Variants in TTC21B observed in about 807,000 individuals in gnomAD.
TTC21B encodes tetratricopeptide repeat protein 21B.
In TTC21B, 127 loss-of-function variants were observed where a neutral mutation model predicts 175.1. The ratio of observed to expected loss-of-function variants is 0.73; its 90% CI spans 0.63 to 0.84. TTC21B has a LOEUF of 0.84. Among genes scored for constraint, TTC21B ranks in the 40% least tolerant of loss-of-function variants. The pLI, the probability that TTC21B is intolerant of heterozygous loss-of-function variation, is 0.00. For missense variants in TTC21B, 1,561 were observed against 1,558.3 expected (o/e 1.00, Z -0.03); for synonymous variants, 524 against 524.5 (o/e 1.00, Z 0.01).
rs370484375 is a variant in TTC21B at position 165,945,585 on chromosome 2, C to T, written c.368G>A (p.Arg123His). ...AATATATTCCCTTGCTTTATCATGG[C>T]GACCAATGTGCCATAAAAATAAGCC... ...HAGLFLWHIG[R>H]HDKAREYIDR... Residue 123 changes from arginine (R) to histidine (H), a missense_variant, in exon 4 of 29, where the codon CGC (arginine) becomes CAC (histidine). Transcript: ENST00000243344. The T allele has an allele frequency of 1.9e-5, 30 of 1,613,644 alleles. No homozygotes were observed. Among genetic ancestry groups the T allele is most frequent in the East Asian group, 2.2e-5 (1 of 44,814 alleles).
chr2:165,921,740 A>G (rs1389177208), intron 12 of TTC21B, among the ~76,000 whole-genome samples: 2 of 149,670 alleles, frequency 1.3e-5, no homozygotes, highest in African/African-American at 4.9e-5. Context: ...AAACACTACT[A>G]CTTAGACACA....
intron 7 of TTC21B, 33 bp downstream of exon 7, chr2:165,932,940 T>C: frequency 6.4e-7 from 1 of 1,554,212 alleles, no homozygotes. Context: ...TATTTTTTAA[T>C]ATAGGAAACT....
At chr2:165,902,685 T>A (rs1481717570) in intron 19 of TTC21B, among the ~76,000 whole-genome samples, 1 of 152,238 alleles carries the variant, frequency 6.6e-6, no homozygotes, top group East Asian at 1.9e-4. Context: ...TGTACCTTTA[T>A]GTGTTTTAGA....
At position 165,947,783 on chromosome 2, in the gene TTC21B, T is replaced by C. The variant is rs541881131; in HGVS notation, c.262+1611A>G. On this transcript the variant is annotated intron_variant, in intron 3 of 28. Transcript: ENST00000243344. Reference sequence around the variant, plus strand: ...CTTTCCTAGGCAGTATTTACAGACATCTGGGCCCCTACTAGAGCTCAAGTC... The same window carrying C: ...CTTTCCTAGGCAGTATTTACAGACACCTGGGCCCCTACTAGAGCTCAAGTC... 7.9e-5 allele frequency: 12 copies of C among 152,280 alleles called. No individual in the cohort carries two copies. The East Asian group carries it at 2.3e-3, about 29-fold the overall frequency. The allele number at this position is 152,280 out of a possible 1,614,324, so 9.4% of individuals were successfully genotyped here. A position where few individuals can be genotyped will look rare whatever the true frequency, so the allele number is the denominator to read the frequency against.
chr2:165,902,721 T>C (rs1439239960), intron 19 of TTC21B, among the ~76,000 whole-genome samples: 1 of 152,260 alleles, frequency 6.6e-6, no homozygotes, highest in Non-Finnish European at 1.5e-5. Flanking sequence ...CATCTGTTCA[T>C]GTTTTTGCAT....
At position 165,929,284 on chromosome 2, in the gene TTC21B, C is replaced by G; in HGVS notation, c.1237G>C (p.Glu413Gln). Reference sequence around the variant, plus strand: ...TCATTTAACAAATTAATAACTTCTTCTTGTCGTTTATTTTTCTTCATGGCA... The same window carrying G: ...TCATTTAACAAATTAATAACTTCTTGTTGTCGTTTATTTTTCTTCATGGCA... ...VLAMKKNKRQ[E>Q]EVINLLNDVL... Residue 413 changes from glutamate (E) to glutamine (Q), a missense_variant, in exon 11 of 29, where the codon GAA (glutamate) becomes CAA (glutamine). Transcript: ENST00000243344. 1 of 1,612,522 alleles carries G rather than the reference C, an allele frequency of 6.2e-7. No individual in the cohort carries two copies. Among genetic ancestry groups the G allele is most frequent in the Non-Finnish European group, 8.5e-7 (1 of 1,179,062 alleles).
Position 165,943,359 on chromosome 2 carries a change from C to A in TTC21B, c.430-18G>T. 1 of 1,574,038 alleles carries A rather than the reference C, an allele frequency of 6.4e-7. No homozygotes were observed. The highest frequency in any genetic ancestry group is 1.1e-5 in the South Asian group (1 of 88,538). ...ACGTGTCCCTGTAAAATGAATAATT[C>A]TATTTTTACTTTTTTAGAAATGAGA... On this transcript the variant is annotated intron_variant, in intron 4 of 28. Coordinates refer to ENST00000243344, the MANE Select transcript of TTC21B (RefSeq NM_024753.5).
Position 165,898,678 on chromosome 2 carries a change from G to T in TTC21B, c.2950+8C>A. ...TGCACTCAAAAAATACAATAAGTAG[G>T]TATTTACCTGGCTTACGTTCTAAAA... On this transcript the variant is annotated splice_region_variant and intron_variant, in intron 22 of 28. Coordinates refer to ENST00000243344, the MANE Select transcript of TTC21B (RefSeq NM_024753.5). 2 of 1,582,238 alleles carry T rather than the reference G, an allele frequency of 1.3e-6. No homozygotes were observed. The highest frequency in any genetic ancestry group is 1.1e-5 in the South Asian group (1 of 90,452).
Position 165,950,070 on chromosome 2 carries a change from TAAA to T in TTC21B, c.22-349_22-347del, listed in dbSNP as rs769740344. On this transcript the variant is annotated intron_variant, in intron 1 of 28. Transcript: ENST00000243344. ...AGAAAGGCAGACAATAAACAGGAAC[TAAA>T]AAAAAAAAAAAAAAGACAAGAGGCT... is the stretch of plus-strand genomic sequence containing the variant. Among the ~76,000 whole-genome samples, 4 of 128,874 alleles carry T rather than the reference TAAA, an allele frequency of 3.1e-5. No homozygotes were observed. The East Asian group carries it at 8.9e-4, about 29-fold the overall frequency. The allele number at this position is 128,874 out of a possible 152,430, so 84.5% of individuals were successfully genotyped here.
intron 12 of TTC21B, among the ~76,000 whole-genome samples, chr2:165,919,900 C>A (rs1321779722): frequency 1.3e-5 from 2 of 151,602 alleles, no homozygotes; most frequent in Non-Finnish European, 1.5e-5. Flanking sequence ...CATAAAATAA[C>A]AAAAAAGGCC....
rs559507591 is a variant in TTC21B at position 165,912,454 on chromosome 2, C to T, written c.2322+60G>A. 6.8e-5 allele frequency: 90 copies of T among 1,330,364 alleles called. 1 individual carries two copies. The African/African-American group carries it at 1.0e-3, about 15-fold the overall frequency. 82.4% of individuals were successfully genotyped at this position (1,330,364 alleles called of 1,614,324 possible). On this transcript the variant is annotated intron_variant, in intron 17 of 28. Transcript: ENST00000243344. ...GCAAATGGTGCTCGCTGAAGCTTCTCGAGGACAGGGTATGATAAATTTGAT... is the reference window on the plus strand; with the variant it reads ...GCAAATGGTGCTCGCTGAAGCTTCTTGAGGACAGGGTATGATAAATTTGAT...
intron 18 of TTC21B, among the ~76,000 whole-genome samples, chr2:165,908,357 G>C (rs539886974): frequency 6.6e-6 from 1 of 152,294 alleles, no homozygotes; most frequent in Admixed American, 6.5e-5. Flanking sequence ...CAGGGTGGAT[G>C]CAAGATTTTA....
At chr2:165,944,270 G>A (rs1687472348) in intron 4 of TTC21B, among the ~76,000 whole-genome samples, 1 of 152,104 alleles carries the variant, frequency 6.6e-6, no homozygotes, top group South Asian at 2.1e-4. Flanking sequence ...AATACAGCAT[G>A]TCTTAAGACA....
intron 13 of TTC21B, among the ~76,000 whole-genome samples, chr2:165,918,886 G>C (rs955143066): frequency 6.6e-6 from 1 of 151,958 alleles, no homozygotes; most frequent in Non-Finnish European, 1.5e-5. Flanking sequence ...AAAAACTAAG[G>C]TCCAAGAAAT....
At chr2:165,936,498 G>A (rs1011166769) in intron 6 of TTC21B, among the ~76,000 whole-genome samples, 7 of 151,968 alleles carry the variant, frequency 4.6e-5, no homozygotes, top group African/African-American at 1.2e-4. Flanking sequence ...CTCTGTGAAC[G>A]ACAAGCCACA....
intron 18 of TTC21B, among the ~76,000 whole-genome samples, chr2:165,909,513 A>G (rs1346562268): frequency 6.6e-6 from 1 of 152,138 alleles, no homozygotes; most frequent in East Asian, 1.9e-4. Flanking sequence ...AAGAATATAA[A>G]TTAAAAATTC....
rs1686966965 is a variant in TTC21B, at chr2:165,932,953, A to C, written c.795+20T>G. 1.2e-6 allele frequency: 2 copies of C among 1,602,288 alleles called. No individual in the cohort carries two copies. Among genetic ancestry groups the C allele is most frequent in the Non-Finnish European group, 1.7e-6 (2 of 1,170,354 alleles). ...TATATTTTTTAATATAGGAAACTTA[A>C]ATAATACAATGCCACTTACCTTCTC... On this transcript the variant is annotated intron_variant, in intron 7 of 28. Transcript: ENST00000243344.
At chr2:165,918,058 G>C (rs984496409) in intron 13 of TTC21B, among the ~76,000 whole-genome samples, 1 of 152,186 alleles carries the variant, frequency 6.6e-6, no homozygotes, top group Non-Finnish European at 1.5e-5. Flanking sequence ...AAGGGAAGGA[G>C]AGGACTCAGA....
intron 17 of TTC21B, 148 bp downstream of exon 17, chr2:165,912,366 G>C: frequency 1.4e-6 from 1 of 700,320 alleles, no homozygotes; most frequent in East Asian, 2.6e-5. Context: ...ATAAATCTAA[G>C]AAGGCCTTTA....
Sources: gnomAD v4.1 joint callset for allele counts (sites outside exome capture counted in the v4.1 genomes callset) on GRCh38, gnomAD v4.1.1 for gene constraint, MANE v1.5 for transcripts, NCBI Gene and HGNC (gene_info 2026-07-23, HGNC 2026-07-21) for gene names.